The following CCDC82 variants were observed in gnomAD, a reference collection of about 807,000 sequenced individuals.
CCDC82 encodes coiled-coil domain containing 82, also known as coiled-coil domain-containing protein 82.
A neutral mutation model predicts 60.6 loss-of-function variants in CCDC82; 47 were observed. The observed-to-expected ratio is 0.77, with a 90% confidence interval of 0.61 to 0.99. CCDC82 has a LOEUF of 0.99. Among genes scored for constraint, CCDC82 ranks in the 50% least tolerant of loss-of-function variants. The probability of loss-of-function intolerance (pLI) is 0.00; values close to 1 mark genes in which losing one functional copy is unlikely to be tolerated. For missense variants in CCDC82, 588 were observed against 633.0 expected (o/e 0.93, Z 0.76); for synonymous variants, 212 against 207.4 (o/e 1.02, Z -0.19).
intron 7 of CCDC82, 103 bp from the exon 8 acceptor site, chr11:96,365,253 T>C: frequency 1.4e-6 from 1 of 707,006 alleles, no homozygotes; most frequent in Non-Finnish European, 2.2e-6. Flanking sequence ...TACAAAGAGA[T>C]ATAAGAGCAA....
At chr11:96,362,839 C>T (rs1864735717) in intron 8 of CCDC82, among the ~76,000 whole-genome samples, 1 of 152,150 alleles carries the variant, frequency 6.6e-6, no homozygotes, top group Admixed American at 6.5e-5. Context: ...GTATTATTTG[C>T]ACCCTCAAAA....
intron 9 of CCDC82, chr11:96,357,784 G>A (rs529470528): frequency 1.1e-5 from 11 of 985,386 alleles, no homozygotes; most frequent in Non-Finnish European, 1.3e-5. Flanking sequence ...GGAAAATGAA[G>A]ACGGGAAGTT....
chr11:96,380,951 G>A (rs571505678), intron 5 of CCDC82: 1 of 151,726 alleles, frequency 6.6e-6, no homozygotes, highest in African/African-American at 2.4e-5. Flanking sequence ...ACTAAAAAAT[G>A]AGCCCTGTTG....
intron 5 of CCDC82, among the ~76,000 whole-genome samples, chr11:96,376,748 G>A (rs1865597935): frequency 6.6e-6 from 1 of 151,936 alleles, no homozygotes; most frequent in African/African-American, 2.4e-5. Flanking sequence ...CTTAATATTA[G>A]GCTTAGGAAC....
At chr11:96,372,607 G>GC (rs1230833801) in intron 6 of CCDC82, among the ~76,000 whole-genome samples, 1 of 146,460 alleles carries the variant, frequency 6.8e-6, no homozygotes, top group African/African-American at 2.5e-5. Context: ...TGTGCTAGAT[G>GC]CAAGAGAAAT....
chr11:96,382,474 A>G (rs1865928717), intron 5 of CCDC82: 1 of 151,704 alleles, frequency 6.6e-6, no homozygotes, highest in Non-Finnish European at 1.5e-5. Flanking sequence ...ATATAATGAA[A>G]TATGTCAATA....
chr11:96,365,228 T>C (rs1175082346), intron 7 of CCDC82, 78 bp from the exon 8 acceptor site: 15 of 939,792 alleles, frequency 1.6e-5, no homozygotes, highest in Non-Finnish European at 1.8e-5. Flanking sequence ...AATTAAAACA[T>C]CTTAGGGATT....
rs998413578 is a variant in CCDC82, at chr11:96,364,963, T to A, written c.1380+17A>T. Reference sequence around the variant, plus strand: ...ATTTCTAAATACTGAAAATTAAGATTAGAGGGAAGAAAATACCTGTTTATC... The same window carrying A: ...ATTTCTAAATACTGAAAATTAAGATAAGAGGGAAGAAAATACCTGTTTATC... On this transcript the variant is annotated intron_variant, in intron 8 of 9. Coordinates refer to ENST00000646818, the MANE Select transcript of CCDC82 (RefSeq NM_024725.4). The A allele has an allele frequency of 5.7e-6, 9 of 1,578,618 alleles. No individual in the cohort carries two copies. In the African/African-American group the frequency reaches 1.2e-4, roughly 22 times the overall value.
At chr11:96,384,835 T>C (rs1591225028) in intron 3 of CCDC82, 74 bp from the exon 4 acceptor site, 2 of 917,646 alleles carry the variant, frequency 2.2e-6, no homozygotes, top group East Asian at 2.7e-5. Context: ...TGGTATAAAT[T>C]ATATTTATTT....
In CCDC82 at chr11:96,353,139, T is replaced by C. The variant is rs1864167474; in HGVS notation, c.*507A>G. The C allele has an allele frequency of 6.5e-6, 1 of 152,784 alleles. No homozygotes were observed. Among genetic ancestry groups the C allele is most frequent in the South Asian group, 2.1e-4 (1 of 4,850 alleles). The allele number at this position is 152,784 out of a possible 1,614,324, so 9.5% of individuals were successfully genotyped here. The stretch of plus-strand genomic sequence containing the variant: ...TCTACTTAGAATAGATATGCTATGA[T>C]CTGATTCTGAAGCAATGGGATTGAA... On this transcript the variant is annotated 3_prime_UTR_variant, in exon 10 of 10. Transcript: ENST00000646818.
intron 8 of CCDC82, among the ~76,000 whole-genome samples, chr11:96,360,281 C>A (rs900584820): frequency 6.7e-6 from 1 of 150,348 alleles, no homozygotes; most frequent in African/African-American, 2.4e-5. Context: ...TGGCTCACTG[C>A]AACCTCTACA....
intron 7 of CCDC82, among the ~76,000 whole-genome samples, chr11:96,370,456 C>A (rs998557104): frequency 9.9e-5 from 15 of 152,102 alleles, no homozygotes; most frequent in Admixed American, 9.2e-4. Context: ...ATTAAGCAAT[C>A]TTAAAGCAAA....
rs2136038275 is a variant in CCDC82 at position 96,353,587 on chromosome 11, CAAG to C, written c.*56_*58del. The C allele has an allele frequency of 4.0e-6, 5 of 1,240,246 alleles. No individual in the cohort carries two copies. In the South Asian group the frequency reaches 4.9e-5, roughly 12 times the overall value. The allele number at this position is 1,240,246 out of a possible 1,614,324, so 76.8% of individuals were successfully genotyped here. Reference sequence around the variant, plus strand: ...AAACATGTCACATGATACAGAAAAACAAGAATCATGATCTTCACATTTACAGGA... The same window carrying C: ...AAACATGTCACATGATACAGAAAAACAATCATGATCTTCACATTTACAGGA... On this transcript the variant is annotated 3_prime_UTR_variant, in exon 10 of 10. Coordinates refer to ENST00000646818, the MANE Select transcript of CCDC82 (RefSeq NM_024725.4).
rs1866043902 is a variant in CCDC82, at chr11:96,384,142, A to T, written c.606T>A (p.Val202=). The change falls in exon 4 of 10, where the codon GTT becomes GTA. Residue 202 remains valine (V), a synonymous_variant. Coordinates refer to ENST00000646818, the MANE Select transcript of CCDC82 (RefSeq NM_024725.4). ...SDESDDSDIL[V]RKVGVKRPRR... The stretch of plus-strand genomic sequence containing the variant: ...GGGGACGTTTAACACCTACTTTTCT[A>T]ACTAGGATATCGCTGTCATCACTCT... 2 of 1,613,644 alleles carry T rather than the reference A, an allele frequency of 1.2e-6. No individual in the cohort carries two copies. Among genetic ancestry groups the T allele is most frequent in the Non-Finnish European group, 1.7e-6 (2 of 1,179,730 alleles).
chr11:96,375,080 TC>T (rs1176052133), intron 5 of CCDC82, among the ~76,000 whole-genome samples: 1 of 152,152 alleles, frequency 6.6e-6, no homozygotes, highest in African/African-American at 2.4e-5. Flanking sequence ...TGTGTTAAAA[TC>T]CATCTAAACT....
Position 96,353,484 on chromosome 11 carries a change from A to G in CCDC82, c.*162T>C, listed in dbSNP as rs898083226. 4.7e-5 allele frequency: 28 copies of G among 601,560 alleles called. No homozygotes were observed. The Admixed American group carries it at 8.4e-4, about 18-fold the overall frequency. The allele number at this position is 601,560 out of a possible 1,614,324, so 37.3% of individuals were successfully genotyped here. On this transcript the variant is annotated 3_prime_UTR_variant, in exon 10 of 10. Coordinates refer to ENST00000646818, the MANE Select transcript of CCDC82 (RefSeq NM_024725.4). ...TCAGATAAAAGTTTAATTAGAGTGTAGAGTGCCACTTCACAGGAATTAAGA... is the reference window on the plus strand; with the variant it reads ...TCAGATAAAAGTTTAATTAGAGTGTGGAGTGCCACTTCACAGGAATTAAGA...
intron 5 of CCDC82, chr11:96,383,026 T>A: frequency 2.7e-6 from 1 of 370,882 alleles, no homozygotes; most frequent in Non-Finnish European, 4.8e-6. Flanking sequence ...TTTTGATTTC[T>A]ACAATGGTAA....
chr11:96,357,178 AATTTC>A, intron 9 of CCDC82: 1 of 985,396 alleles, frequency 1.0e-6, no homozygotes, highest in Non-Finnish European at 1.2e-6. Context: ...CAAATTTTGA[AATTTC>A]ATTACAGCAC....
At chr11:96,371,493 A>G (rs1404371246) in intron 6 of CCDC82, among the ~76,000 whole-genome samples, 1 of 152,122 alleles carries the variant, frequency 6.6e-6, no homozygotes, top group African/African-American at 2.4e-5. Context: ...GAGGCAGGAG[A>G]ATGGTGTGAA....
Sources: gnomAD v4.1 joint callset for allele counts (sites outside exome capture counted in the v4.1 genomes callset) on GRCh38, gnomAD v4.1.1 for gene constraint, MANE v1.5 for transcripts, NCBI Gene and HGNC (gene_info 2026-07-23, HGNC 2026-07-21) for gene names.